The following CDH2 variants were observed in gnomAD, a reference collection of about 807,000 sequenced individuals.
CDH2 encodes cadherin 2, also known as cadherin-2.
CDH2 carries 17 observed loss-of-function variants against 92.0 expected under a neutral mutation model. That is an observed-to-expected ratio of 0.18 (90% confidence interval 0.13 to 0.28). The LOEUF (loss-of-function observed/expected upper bound fraction) is 0.28. Among genes scored for constraint, CDH2 ranks in the 10% least tolerant of loss-of-function variants. The pLI, the probability that CDH2 is intolerant of heterozygous loss-of-function variation, is 1.00. For missense variants in CDH2, 862 were observed against 1,133.1 expected, an observed-to-expected ratio of 0.76 and a Z score of 3.44; for synonymous variants, 419 against 415.9, an observed-to-expected ratio of 1.01 and a Z score of -0.09.
At chr18:27,943,067 T>C (rs923014778) in intron 6 of CDH2, among the ~76,000 whole-genome samples, 2 of 152,254 alleles carry the variant, frequency 1.3e-5, no homozygotes, top group Admixed American at 1.3e-4. Flanking sequence ...TTGTAAATTA[T>C]GTGATTCATT....
intron 2 of CDH2, among the ~76,000 whole-genome samples, chr18:28,117,384 G>A (rs907611530): frequency 3.9e-5 from 6 of 152,172 alleles, no homozygotes; most frequent in Middle Eastern, 3.4e-3. Flanking sequence ...CCTGGCCCAC[G>A]CTGTGGCATA....
rs1810683782 is a variant in CDH2 at position 27,993,691 on chromosome 18, T to C, written c.1021-54A>G. On this transcript the variant is annotated intron_variant, in intron 7 of 15. Coordinates refer to ENST00000269141, the MANE Select transcript of CDH2 (RefSeq NM_001792.5). ...ATGAAACTAATTCCTCAAGAAGACA[T>C]AACAGTTGTTCTGTAAACGGCTCTT... is the stretch of plus-strand genomic sequence containing the variant. The C allele has an allele frequency of 1.7e-5, 23 of 1,353,704 alleles. No homozygotes were observed. In the South Asian group the frequency reaches 2.1e-4, roughly 12 times the overall value. 83.9% of individuals were successfully genotyped at this position (1,353,704 alleles called of 1,614,324 possible). A position where few individuals can be genotyped will look rare whatever the true frequency, so the allele number is the denominator to read the frequency against.
chr18:28,031,731 G>A (rs1368005450), intron 2 of CDH2, among the ~76,000 whole-genome samples: 2 of 152,186 alleles, frequency 1.3e-5, no homozygotes, highest in South Asian at 2.1e-4. Flanking sequence ...AGCCAGGCAG[G>A]AGACGAAATC....
At chr18:28,056,957 ATTTTGGTTATTG>A (rs1219721048) in intron 2 of CDH2, among the ~76,000 whole-genome samples, 1 of 152,176 alleles carries the variant, frequency 6.6e-6, no homozygotes, top group Non-Finnish European at 1.5e-5. Flanking sequence ...GTTAGCCATA[ATTTTGGTTATTG>A]TGTTGAATTA....
intron 15 of CDH2, among the ~76,000 whole-genome samples, chr18:27,960,622 G>A (rs915639562): frequency 2.6e-5 from 4 of 152,124 alleles, no homozygotes; most frequent in Admixed American, 2.6e-4. Flanking sequence ...AAAGAGAATC[G>A]ATGTCTAATT....
At chr18:28,025,601 ATTATTT>A (rs1353788917) in intron 2 of CDH2, among the ~76,000 whole-genome samples, 1 of 150,822 alleles carries the variant, frequency 6.6e-6, no homozygotes, top group African/African-American at 2.4e-5. Context: ...AGTAAATATT[ATTATTT>A]TTATTAATTT....
At chr18:27,993,758 A>G (rs774129307) in intron 7 of CDH2, 121 bp from the exon 8 acceptor site, 17 of 753,896 alleles carry the variant, frequency 2.3e-5, no homozygotes, top group Middle Eastern at 3.7e-4. Context: ...TCTGATTAAC[A>G]TGACTTGAAA....
intron 5 of CDH2, among the ~76,000 whole-genome samples, chr18:28,007,163 A>AT (rs1555632727): frequency 8.6e-6 from 1 of 115,942 alleles, no homozygotes; most frequent in East Asian, 2.2e-4. Context: ...CCATAAAAAA[A>AT]AAATATATAT....
At chr18:28,137,781 T>A (rs2144309118) in intron 2 of CDH2, among the ~76,000 whole-genome samples, 1 of 152,216 alleles carries the variant, frequency 6.6e-6, no homozygotes, top group South Asian at 2.1e-4. Context: ...TAATTTTTAT[T>A]TTTTTGTTAA....
intron 1 of CDH2, among the ~76,000 whole-genome samples, chr18:28,169,636 T>C (rs1042889492): frequency 6.6e-6 from 1 of 152,196 alleles, no homozygotes; most frequent in Non-Finnish European, 1.5e-5. Context: ...CTACAATATA[T>C]GGGAGTAGGT....
intron 7 of CDH2, among the ~76,000 whole-genome samples, chr18:27,996,734 G>A (rs1438504351): frequency 2.0e-5 from 3 of 152,150 alleles, no homozygotes; most frequent in Non-Finnish European, 4.4e-5. Context: ...ATGGCACAGT[G>A]CCTGACTCAG....
intron 2 of CDH2, among the ~76,000 whole-genome samples, chr18:28,069,734 T>A (rs963196212): frequency 1.3e-5 from 2 of 152,146 alleles, no homozygotes; most frequent in Non-Finnish European, 2.9e-5. Flanking sequence ...CATTAAGGCA[T>A]CTACCATATT....
In CDH2 at chr18:28,003,182, T is replaced by G; in HGVS notation, c.848-13A>C. On this transcript the variant is annotated splice_polypyrimidine_tract_variant and intron_variant, in intron 6 of 15. Coordinates refer to ENST00000269141, the MANE Select transcript of CDH2 (RefSeq NM_001792.5). ...ATCACATATGTTCCTAGAGACAGTG[T>G]ACATGGAAAATGAATGGTTACCCTT... The G allele has an allele frequency of 6.3e-7, 1 of 1,599,712 alleles. No homozygotes were observed. Among genetic ancestry groups the G allele is most frequent in the Non-Finnish European group, 8.6e-7 (1 of 1,168,006 alleles).
intron 2 of CDH2, among the ~76,000 whole-genome samples, chr18:28,129,928 G>A (rs1046668429): frequency 2.0e-5 from 3 of 152,068 alleles, no homozygotes; most frequent in Non-Finnish European, 4.4e-5. Context: ...TAAGAAAAGC[G>A]TTATTAGGCC....
intron 1 of CDH2, among the ~76,000 whole-genome samples, chr18:28,166,713 C>T (rs1204067290): frequency 2.6e-5 from 4 of 152,078 alleles, no homozygotes; most frequent in African/African-American, 9.7e-5. Flanking sequence ...ATTAAATCCA[C>T]AAGTGTAAGA....
chr18:28,024,356 CAT>C (rs909815717), intron 2 of CDH2, among the ~76,000 whole-genome samples: 10 of 151,532 alleles, frequency 6.6e-5, no homozygotes, highest in Non-Finnish European at 2.9e-5. Flanking sequence ...GGAAAATAAA[CAT>C]ATGTAGAAAT....
Position 27,987,797 on chromosome 18 carries a change from A to G in CDH2, c.1741+727T>C, listed in dbSNP as rs375807177. 2.0e-5 allele frequency among the ~76,000 whole-genome samples: 3 copies of G among 152,292 alleles called. No individual in the cohort carries two copies. The East Asian group carries it at 5.8e-4, about 29-fold the overall frequency. ...TATTTAACAAAAAAAGGAAACAGATATATTTAAAACCTCATGGCAATCCCA... is the reference window on the plus strand; with the variant it reads ...TATTTAACAAAAAAAGGAAACAGATGTATTTAAAACCTCATGGCAATCCCA... On this transcript the variant is annotated intron_variant, in intron 11 of 15. Coordinates refer to ENST00000269141, the MANE Select transcript of CDH2 (RefSeq NM_001792.5).
intron 2 of CDH2, among the ~76,000 whole-genome samples, chr18:28,030,246 T>A (rs1191010148): frequency 6.6e-6 from 1 of 151,694 alleles, no homozygotes; most frequent in African/African-American, 2.4e-5. Context: ...AAACAACAGA[T>A]GTGGATAATT....
chr18:27,937,764 G>C (rs1237203675), intron 6 of CDH2, among the ~76,000 whole-genome samples: 1 of 152,106 alleles, frequency 6.6e-6, no homozygotes, highest in African/African-American at 2.4e-5. Flanking sequence ...AATTATTTTA[G>C]GTTCTCAAGA....
Sources: gnomAD v4.1 joint callset for allele counts (sites outside exome capture counted in the v4.1 genomes callset) on GRCh38, gnomAD v4.1.1 for gene constraint, MANE v1.5 for transcripts, NCBI Gene and HGNC (gene_info 2026-07-23, HGNC 2026-07-21) for gene names.